Variants in KYAT3 observed in about 807,000 individuals in gnomAD.
KYAT3 encodes the protein kynurenine aminotransferase 3.
A neutral mutation model predicts 59.0 loss-of-function variants in KYAT3; 50 were observed. That is an observed-to-expected ratio of 0.85 (90% CI 0.68 to 1.07). The LOEUF (loss-of-function observed/expected upper bound fraction) is 1.07. Among genes scored for constraint, KYAT3 ranks in the 50% least tolerant of loss-of-function variants. The probability of loss-of-function intolerance (pLI) is 0.00; values close to 1 mark genes in which losing one functional copy is unlikely to be tolerated. For missense variants in KYAT3, 497 were observed against 533.3 expected (o/e 0.93, Z 0.67); for synonymous variants, 148 against 177.0 (o/e 0.84, Z 1.30).
intron 11 of KYAT3, among the ~76,000 whole-genome samples, chr1:88,947,444 C>G (rs941923156): frequency 2.0e-5 from 3 of 152,216 alleles, no homozygotes; most frequent in Non-Finnish European, 4.4e-5. Flanking sequence ...GAACCTAACT[C>G]TCCTCCTCCT....
chr1:88,943,079 T>C lies in KYAT3; in HGVS notation c.1228A>G (p.Ile410Val). ...GAGTTACAGAATGCTGAAACGGGGA[T>C]GGCTGATAGTTTCTGAAAAATAAAT... ...WMTKHKKLSA[I>V]PVSAFCNSET... is the part of the protein sequence containing the mutation. Residue 410 changes from isoleucine (I) to valine (V), a missense_variant, in exon 13 of 14, where the codon ATC becomes GTC. Physicochemically the swap from Ile to Val is conservative, Grantham distance 29. This residue lies in a region of KYAT3 where 28 missense variants were observed against 54.2 expected (regional missense o/e 0.52). Coordinates refer to ENST00000260508, the MANE Select transcript of KYAT3 (RefSeq NM_001008661.3). The C allele has an allele frequency of 1.2e-6, 2 of 1,610,264 alleles. No individual in the cohort carries two copies.
downstream of KYAT3, among the ~76,000 whole-genome samples, chr1:88,932,151 C>G (rs1334031178): frequency 6.6e-6 from 1 of 152,178 alleles, no homozygotes; most frequent in Non-Finnish European, 1.5e-5. Context: ...AGAATACTGT[C>G]TACTGAGAGC....
chr1:88,975,439 C>T (rs754515039), intron 2 of KYAT3, among the ~76,000 whole-genome samples: 26 of 152,234 alleles, frequency 1.7e-4, no homozygotes, highest in Non-Finnish European at 3.5e-4. Context: ...GCATGAGCCA[C>T]AGCGCCCAGC....
chr1:88,967,408 A>G (rs1676387983), intron 4 of KYAT3, among the ~76,000 whole-genome samples: 1 of 151,940 alleles, frequency 6.6e-6, no homozygotes, highest in Non-Finnish European at 1.5e-5. Context: ...AGGTTTGTGC[A>G]AAAGTAATTG....
chr1:88,924,667 C>T, the KYAT3 span, among the ~76,000 whole-genome samples: 10 of 152,190 alleles, frequency 6.6e-5, no homozygotes, highest in African/African-American at 1.9e-4. Flanking sequence ...TGCTGTTTGC[C>T]GCCATCGCAG....
chr1:88,978,201 T>C (rs1247331455), intron 2 of KYAT3, among the ~76,000 whole-genome samples: 1 of 152,264 alleles, frequency 6.6e-6, no homozygotes, highest in Non-Finnish European at 1.5e-5. Flanking sequence ...TACCACTTCC[T>C]AAGTGTCTTT....
At chr1:88,930,357 C>A in the KYAT3 span, among the ~76,000 whole-genome samples, 1 of 152,304 alleles carries the variant, frequency 6.6e-6, no homozygotes, top group South Asian at 2.1e-4. Flanking sequence ...TGCGACTGTG[C>A]ACTTGCGCAA....
chr1:88,973,481 C>G (rs1676637484), intron 2 of KYAT3, among the ~76,000 whole-genome samples: 1 of 152,136 alleles, frequency 6.6e-6, no homozygotes, highest in Non-Finnish European at 1.5e-5. Flanking sequence ...TAAAATCAAC[C>G]TAGAATCCTA....
At chr1:88,945,126 G>A (rs1348373998) in intron 11 of KYAT3, among the ~76,000 whole-genome samples, 1 of 151,966 alleles carries the variant, frequency 6.6e-6, no homozygotes, top group Non-Finnish European at 1.5e-5. Flanking sequence ...TTACAGGCCT[G>A]AGCCATGGTA....
the KYAT3 span, among the ~76,000 whole-genome samples, chr1:88,927,133 T>C: frequency 2.0e-5 from 3 of 152,154 alleles, no homozygotes; most frequent in African/African-American, 7.2e-5. Flanking sequence ...ATTAGGACCA[T>C]AGAGGACGCT....
the KYAT3 span, among the ~76,000 whole-genome samples, chr1:88,930,771 T>C: frequency 7.2e-5 from 11 of 151,940 alleles, no homozygotes; most frequent in African/African-American, 2.4e-4. Context: ...GGATCACCTA[T>C]CAAACATCAG....
At chr1:88,952,067 G>A (rs1675696882) in intron 10 of KYAT3, among the ~76,000 whole-genome samples, 1 of 152,132 alleles carries the variant, frequency 6.6e-6, no homozygotes, top group Non-Finnish European at 1.5e-5. Context: ...CTTGATTTTA[G>A]CCCTTTAAGA....
Position 88,983,753 on chromosome 1 carries a change from T to C in KYAT3, c.99+4499A>G, listed in dbSNP as rs1253307979. ...TCGTCCATATTTGCCAAATACTGTT[T>C]CAAGAGCTTTCTCATTTGTTTCCGT... is the stretch of plus-strand genomic sequence containing the variant. On this transcript the variant is annotated intron_variant, in intron 2 of 13. Coordinates refer to ENST00000260508, the MANE Select transcript of KYAT3 (RefSeq NM_001008661.3). 8 of 1,613,944 alleles carry C rather than the reference T, an allele frequency of 5.0e-6. No individual in the cohort carries two copies. In the Admixed American group the frequency reaches 1.3e-4, roughly 27 times the overall value.
intron 5 of KYAT3, 37 bp from the exon 6 acceptor site, chr1:88,962,182 C>A: frequency 7.2e-7 from 1 of 1,388,264 alleles, no homozygotes; most frequent in Non-Finnish European, 1.0e-6. Context: ...ACCTGTCAAT[C>A]ATTTATTCAT....
intron 2 of KYAT3, chr1:88,983,946 G>A (rs1677280589): frequency 9.1e-7 from 1 of 1,096,928 alleles, no homozygotes. Flanking sequence ...GGACTGAACC[G>A]CGAAGCCGCT....
At position 88,963,638 on chromosome 1, in the gene KYAT3, T is replaced by C. The variant is rs528657401; in HGVS notation, c.453+1191A>G. On this transcript the variant is annotated intron_variant, in intron 5 of 13. Transcript: ENST00000260508. ...CTTCCTTTTGTCACTACCATAGTGTTCCTCGTAATCCATTTGCAAGTCTGT... is the reference window on the plus strand; with the variant it reads ...CTTCCTTTTGTCACTACCATAGTGTCCCTCGTAATCCATTTGCAAGTCTGT... Among the ~76,000 whole-genome samples the C allele has an allele frequency of 2.6e-5, 4 of 152,342 alleles. No homozygotes were observed. The East Asian group carries it at 7.7e-4, about 29-fold the overall frequency.
the KYAT3 span, among the ~76,000 whole-genome samples, chr1:88,928,962 A>G: frequency 6.6e-6 from 1 of 152,182 alleles, no homozygotes; most frequent in Non-Finnish European, 1.5e-5. Flanking sequence ...TAGCAAAAGC[A>G]GGGGCCATTA....
intron 2 of KYAT3, chr1:88,980,205 G>C (rs1326274433): frequency 6.6e-6 from 1 of 152,532 alleles, no homozygotes; most frequent in African/African-American, 2.4e-5. Context: ...GGCGATGGAA[G>C]TGTTCTGCAT....
intron 2 of KYAT3, among the ~76,000 whole-genome samples, chr1:88,976,060 TA>T (rs1676778590): frequency 7.0e-6 from 1 of 143,716 alleles, no homozygotes; most frequent in South Asian, 2.2e-4. Flanking sequence ...TATATGGAGG[TA>T]AAAATTTCTA....
Sources: allele counts gnomAD v4.1 joint callset (sites outside exome capture counted in the v4.1 genomes callset), GRCh38; gene constraint gnomAD v4.1.1; regional missense constraint gnomAD v4.1.1; transcripts MANE v1.5; gene names NCBI Gene and HGNC (gene_info 2026-07-23, HGNC 2026-07-21).